ADNP: variants seen among roughly 807,000 people sequenced by gnomAD.
The protein encoded by ADNP is activity-dependent neuroprotector homeobox protein.
In ADNP, 4 loss-of-function variants were observed where a neutral mutation model predicts 84.9. That is an observed-to-expected ratio of 0.05 (90% CI 0.02 to 0.11). The LOEUF (loss-of-function observed/expected upper bound fraction) is 0.11. ADNP is among the 10% of genes least tolerant of loss of function. The pLI, the probability that ADNP is intolerant of heterozygous loss-of-function variation, is 1.00. For missense variants in ADNP, 1,132 were observed against 1,326.0 expected (o/e 0.85, Z 2.27); for synonymous variants, 554 against 468.1 (o/e 1.18, Z -2.37).
intron 2 of ADNP, 65 bp from the exon 3 acceptor site, chr20:50,904,914 A>G (rs142093736): frequency 5.0e-4 from 76 of 152,296 alleles, no homozygotes; most frequent in African/African-American, 1.7e-3. Context: ...ATACTCCCCA[A>G]ACTAAATACA....
rs1011436758 is a variant in ADNP at position 50,891,124 on chromosome 20, G to C, written c.*281C>G. 6.6e-6 allele frequency: 8 copies of C among 1,207,298 alleles called. No homozygotes were observed. The African/African-American group carries it at 1.3e-4, about 19-fold the overall frequency. 74.8% of individuals were successfully genotyped at this position (1,207,298 alleles called of 1,614,324 possible). On this transcript the variant is annotated 3_prime_UTR_variant, in exon 6 of 6. Coordinates refer to ENST00000621696, the MANE Select transcript of ADNP (RefSeq NM_001282531.3). The stretch of plus-strand genomic sequence containing the variant: ...CACAGAGGGAAAGAAATGTTGAAAA[G>C]GCAGATAAAATAAACCTCTGCTTTT...
rs1041812242 is a variant in ADNP, at chr20:50,914,502, C to T, written c.-89-9653G>A. On this transcript the variant is annotated intron_variant, in intron 2 of 5. Transcript: ENST00000621696. The stretch of plus-strand genomic sequence containing the variant: ...GACATCATCTACAAATGTTTTCTCA[C>T]CTTCAAAGTCTTATAAACATGTTGA... 10 of 315,652 alleles carry T rather than the reference C, an allele frequency of 3.2e-5. No homozygotes were observed. The South Asian group carries it at 3.8e-4, about 12-fold the overall frequency. The allele number at this position is 315,652 out of a possible 1,614,324, so 19.6% of individuals were successfully genotyped here.
At chr20:50,916,928 G>A (rs920266900) in intron 2 of ADNP, among the ~76,000 whole-genome samples, 3 of 152,148 alleles carry the variant, frequency 2.0e-5, no homozygotes, top group Non-Finnish European at 2.9e-5. Context: ...TCAAAAGATT[G>A]AGATTCATCT....
chr20:50,930,501 C>CTGGGGGCGGGG lies in ADNP; in HGVS notation c.-265+324_-265+325insCCCCGCCCCCA, dbSNP rs1448919485. 5.3e-5 allele frequency among the ~76,000 whole-genome samples: 8 copies of CTGGGGGCGGGG among 151,620 alleles called. 1 individual carries two copies. Among genetic ancestry groups the CTGGGGGCGGGG allele is most frequent in the South Asian group, 2.1e-4 (1 of 4,794 alleles). On this transcript the variant is annotated intron_variant, in intron 1 of 5. Coordinates refer to ENST00000621696, the MANE Select transcript of ADNP (RefSeq NM_001282531.3). The stretch of plus-strand genomic sequence containing the variant: ...CAGGATGGGAGAAGCTCGGTTCTGG[C>CTGGGGGCGGGG]TGGGGGAGATGCCCTTAGCTGCAAA...
At chr20:50,912,587 G>A (rs1983144464) in intron 2 of ADNP, among the ~76,000 whole-genome samples, 1 of 152,184 alleles carries the variant, frequency 6.6e-6, no homozygotes, top group South Asian at 2.1e-4. Flanking sequence ...CCACGAAATA[G>A]TTACTCATCT....
At chr20:50,913,915 T>C in intron 2 of ADNP, 1 of 650,628 alleles carries the variant, frequency 1.5e-6, no homozygotes, top group Non-Finnish European at 2.9e-6. Flanking sequence ...CAACTTGGAG[T>C]GCCAGTGAAT....
At chr20:50,918,760 TAGA>T (rs988596175) in intron 2 of ADNP, among the ~76,000 whole-genome samples, 5 of 152,264 alleles carry the variant, frequency 3.3e-5, no homozygotes, top group Admixed American at 6.5e-5. Flanking sequence ...GCTACAAAAG[TAGA>T]AGAACAAGAG....
chr20:50,896,099 C>T (rs572562325), intron 5 of ADNP, among the ~76,000 whole-genome samples: 1 of 152,066 alleles, frequency 6.6e-6, no homozygotes, highest in South Asian at 2.1e-4. Context: ...GTGGCAGGCA[C>T]CTGTAATCCC....
intron 5 of ADNP, among the ~76,000 whole-genome samples, chr20:50,897,566 T>C (rs1981536421): frequency 6.6e-6 from 1 of 152,208 alleles, no homozygotes; most frequent in African/African-American, 2.4e-5. Context: ...CACTCCTTGA[T>C]GACATCAACC....
chr20:50,928,639 G>A lies in ADNP; in HGVS notation c.-90+12C>T, dbSNP rs1002395856. On this transcript the variant is annotated intron_variant, in intron 2 of 5. Coordinates refer to ENST00000621696, the MANE Select transcript of ADNP (RefSeq NM_001282531.3). ...TGCTGCAGTTCCCACCCTCCAAAAT[G>A]AATATACCCACCGGTGTGAATTGAC... is the stretch of plus-strand genomic sequence containing the variant. The A allele has an allele frequency of 1.3e-5, 2 of 152,178 alleles. No individual in the cohort carries two copies. Among genetic ancestry groups the A allele is most frequent in the African/African-American group, 4.8e-5 (2 of 41,444 alleles). 9.4% of individuals were successfully genotyped at this position (152,178 alleles called of 1,614,324 possible).
chr20:50,926,962 TAAC>T (rs1357848861), intron 2 of ADNP, among the ~76,000 whole-genome samples: 1 of 152,186 alleles, frequency 6.6e-6, no homozygotes, highest in East Asian at 1.9e-4. Context: ...TTCAAAATAC[TAAC>T]TTTTTAATAC....
At position 50,891,555 on chromosome 20, in the gene ADNP, A is replaced by G. The variant is rs771531841; in HGVS notation, c.3159T>C (p.Asn1053=). 2 of 1,612,280 alleles carry G rather than the reference A, an allele frequency of 1.2e-6. No individual in the cohort carries two copies. The highest frequency in any genetic ancestry group is 4.5e-5 in the East Asian group (2 of 44,898). ...TCTGGGGGTTAGATAAGCGCTCATC[A>G]TTCTCAGATGCATTCTTCCACTGTG... ...DQSQWKNASE[N]DERLSNPQIE... is the part of the protein sequence containing the mutation. Residue 1053 remains asparagine, a synonymous_variant, in exon 6 of 6, where the codon AAT becomes AAC. Coordinates refer to ENST00000621696, the MANE Select transcript of ADNP (RefSeq NM_001282531.3).
At chr20:50,916,258 A>G (rs1983503295) in intron 2 of ADNP, among the ~76,000 whole-genome samples, 1 of 152,220 alleles carries the variant, frequency 6.6e-6, no homozygotes, top group Admixed American at 6.5e-5. Flanking sequence ...TTCTACAAAA[A>G]AAAAGATGCT....
intron 2 of ADNP, among the ~76,000 whole-genome samples, chr20:50,926,606 C>A (rs933763386): frequency 6.6e-6 from 1 of 152,164 alleles, no homozygotes; most frequent in Non-Finnish European, 1.5e-5. Context: ...CCCCAAACTA[C>A]ACGTGATACT....
At chr20:50,924,889 T>TA (rs1217050822) in intron 2 of ADNP, among the ~76,000 whole-genome samples, 1 of 152,248 alleles carries the variant, frequency 6.6e-6, no homozygotes, top group African/African-American at 2.4e-5. Context: ...ATCTTTAACT[T>TA]AAATCTAAAA....
rs763370086 is a variant in ADNP, at chr20:50,889,522, T to C, written c.*1883A>G. On this transcript the variant is annotated 3_prime_UTR_variant, in exon 6 of 6. Coordinates refer to ENST00000621696, the MANE Select transcript of ADNP (RefSeq NM_001282531.3). Reference sequence around the variant, plus strand: ...TCTACTCTTGCACTTCTTCCTGTACTGTTGTTGAGAAGCTTACATTTTAGG... The same window carrying C: ...TCTACTCTTGCACTTCTTCCTGTACCGTTGTTGAGAAGCTTACATTTTAGG... 7 of 203,860 alleles carry C rather than the reference T, an allele frequency of 3.4e-5. No individual in the cohort carries two copies. The highest frequency in any genetic ancestry group is 5.9e-5 in the Non-Finnish European group (6 of 102,282). The allele number at this position is 203,860 out of a possible 1,614,324, so 12.6% of individuals were successfully genotyped here.
rs1401056786 is a variant in ADNP, at chr20:50,891,769, G to A, written c.2945C>T (p.Ser982Leu). 1.9e-6 allele frequency: 3 copies of A among 1,614,150 alleles called. No individual in the cohort carries two copies. The highest frequency in any genetic ancestry group is 1.7e-5 in the Admixed American group (1 of 60,014). The change falls in exon 6 of 6, where the codon TCA becomes TTA. Residue 982 changes from serine (S) to leucine (L), a missense_variant. Transcript: ENST00000621696. ...TTCGCAGGTATTGTCCTCAAAGTCT[G>A]ACACTTGTTGGGATCCAGGCCCACT... ...SESGPGSQQV[S>L]DFEDNTCEMK...
At chr20:50,925,340 A>T (rs1237674521) in intron 2 of ADNP, among the ~76,000 whole-genome samples, 4 of 152,030 alleles carry the variant, frequency 2.6e-5, no homozygotes, top group African/African-American at 7.3e-5. Flanking sequence ...GCATGATAAT[A>T]TGTGAGGAGA....
At position 50,922,040 on chromosome 20, in the gene ADNP, G is replaced by T. The variant is rs551022108; in HGVS notation, c.-90+6611C>A. On this transcript the variant is annotated intron_variant, in intron 2 of 5. Transcript: ENST00000621696. Reference sequence around the variant, plus strand: ...CAGCCACTTGCTGTCGCTGTAAGTGGACAATCTGGCTTAAGATCAATGTGA... The same window carrying T: ...CAGCCACTTGCTGTCGCTGTAAGTGTACAATCTGGCTTAAGATCAATGTGA... 3.9e-4 allele frequency among the ~76,000 whole-genome samples: 59 copies of T among 152,306 alleles called. No homozygotes were observed. In the Middle Eastern group the frequency reaches 0.014, roughly 35 times the overall value.
Sources: allele counts gnomAD v4.1 joint callset (sites outside exome capture counted in the v4.1 genomes callset), GRCh38; gene constraint gnomAD v4.1.1; transcripts MANE v1.5; gene names NCBI Gene and HGNC (gene_info 2026-07-23, HGNC 2026-07-21).